The following MROH1 variants were observed in gnomAD, a reference collection of about 807,000 sequenced individuals.
The protein encoded by MROH1 is maestro heat like repeat family member 1, also known as maestro heat-like repeat-containing protein family member 1.
Under a neutral mutation model 116.5 loss-of-function variants are expected in MROH1, and 117 were observed. The ratio of observed to expected loss-of-function variants is 1.00; its 90% CI spans 0.86 to 1.17. The LOEUF is 1.17. Ranked by LOEUF, MROH1 falls within the 50% of genes most tolerant of loss-of-function variation. The probability of loss-of-function intolerance (pLI) is 0.00; values close to 1 mark genes in which losing one functional copy is unlikely to be tolerated. For synonymous variants in MROH1, 921 were observed against 583.9 expected (o/e 1.58, Z -8.32); for missense variants, 1,873 against 1,338.5 (o/e 1.40, Z -6.23).
chr8:144,192,712 G>C (rs565615892), intron 10 of MROH1: 3 of 523,430 alleles, frequency 5.7e-6, no homozygotes, highest in African/African-American at 1.9e-5. Context: ...AGTGCCAGCT[G>C]GGGGAGACTG....
chr8:144,233,949 C>T (rs550899355), intron 14 of MROH1, among the ~76,000 whole-genome samples: 12 of 152,142 alleles, frequency 7.9e-5, no homozygotes, highest in Admixed American at 2.6e-4. Flanking sequence ...AGAAGTCATC[C>T]GGAATTTTTA....
At chr8:144,175,100 C>T (rs1823478659) in intron 4 of MROH1, 2 of 985,340 alleles carry the variant, frequency 2.0e-6, no homozygotes, top group Non-Finnish European at 2.4e-6. Flanking sequence ...TTTCCAAGAT[C>T]AAGAACCAGA....
At chr8:144,168,571 C>T in intron 4 of MROH1, 131 bp downstream of exon 4, 1 of 1,059,656 alleles carries the variant, frequency 9.4e-7, no homozygotes, top group Non-Finnish European at 1.3e-6. Flanking sequence ...CATGTCTAAC[C>T]CCCTCCACAC....
At chr8:144,249,218 C>T (rs1842427985) in intron 32 of MROH1, among the ~76,000 whole-genome samples, 189 bp downstream of exon 32, 1 of 152,172 alleles carries the variant, frequency 6.6e-6, no homozygotes, top group African/African-American at 2.4e-5. Context: ...CACTGCTCTG[C>T]CCCCTCTCCC....
chr8:144,247,459 G>A (rs1467937138), intron 30 of MROH1, 23 bp downstream of exon 30: 6 of 768,026 alleles, frequency 7.8e-6, no homozygotes, highest in African/African-American at 1.7e-5. Flanking sequence ...CAGGAGTGTG[G>A]GGGCCAGTGG....
chr8:144,172,713 TA>T (rs1198715117), intron 4 of MROH1, among the ~76,000 whole-genome samples: 1 of 152,156 alleles, frequency 6.6e-6, no homozygotes, highest in Non-Finnish European at 1.5e-5. Flanking sequence ...CCGGCCAGTC[TA>T]ACTCTTTTAA....
chr8:144,193,414 A>G (rs922872827), intron 10 of MROH1: 1 of 152,194 alleles, frequency 6.6e-6, no homozygotes, highest in South Asian at 2.1e-4. Flanking sequence ...CCTGTCCAGT[A>G]CAAGTACATT....
Position 144,182,757 on chromosome 8 carries a change from A to T in MROH1, c.562+2234A>T, listed in dbSNP as rs1825999664. 6.6e-6 allele frequency among the ~76,000 whole-genome samples: 1 copy of T among 152,074 alleles called. No homozygotes were observed. Among genetic ancestry groups the T allele is most frequent in the African/African-American group, 2.4e-5 (1 of 41,414 alleles). ...GGCACCCTAGAAAGAATGGACAGAG[A>T]TGGGAGGTCAAGAGATGACGCAAAG... On this transcript the variant is annotated intron_variant, in intron 7 of 43. Transcript: ENST00000326134. This position sits in a 1 kb window ranked among gnomAD's most constrained non-coding sequence, Gnocchi z 4.1.
intron 10 of MROH1, among the ~76,000 whole-genome samples, chr8:144,193,748 C>T (rs1355556379): frequency 6.6e-6 from 1 of 151,872 alleles, no homozygotes; most frequent in Non-Finnish European, 1.5e-5. Context: ...GCTGGGATTA[C>T]AGGTGCCCAC....
At chr8:144,152,671 C>G (rs887218483) in intron 1 of MROH1, among the ~76,000 whole-genome samples, 1 of 151,682 alleles carries the variant, frequency 6.6e-6, no homozygotes, top group Admixed American at 6.6e-5. Flanking sequence ...CTCAGCCTCC[C>G]GAGTAGCTGG....
intron 1 of MROH1, among the ~76,000 whole-genome samples, chr8:144,160,190 C>G (rs1040613733): frequency 8.5e-5 from 13 of 152,170 alleles, no homozygotes; most frequent in African/African-American, 2.7e-4. Flanking sequence ...TACTAGGGAA[C>G]AGTTTGATCT....
intron 3 of MROH1, among the ~76,000 whole-genome samples, chr8:144,167,220 T>C (rs1821064650): frequency 1.6e-5 from 2 of 121,250 alleles, no homozygotes; most frequent in African/African-American, 6.6e-5. Context: ...TGGGGTGGAG[T>C]GGCCGGTTGT....
chr8:144,238,135 A>G (rs1040427476), intron 14 of MROH1, among the ~76,000 whole-genome samples: 3 of 151,624 alleles, frequency 2.0e-5, no homozygotes, highest in Non-Finnish European at 4.4e-5. Context: ...TGCCTACTGT[A>G]AAAATTGAAG....
intron 18 of MROH1, 65 bp downstream of exon 18, chr8:144,239,820 T>A: frequency 1.4e-6 from 1 of 707,896 alleles, no homozygotes; most frequent in Non-Finnish European, 2.6e-6. Context: ...AGTAGGAGGG[T>A]GCTAGCTCTG....
In MROH1 at chr8:144,247,614, C is replaced by T; in HGVS notation, c.3055C>T (p.Leu1019Phe). The T allele has an allele frequency of 2.6e-6, 2 of 771,146 alleles. No individual in the cohort carries two copies. Among genetic ancestry groups the T allele is most frequent in the Non-Finnish European group, 2.4e-6 (1 of 416,938 alleles). The allele number at this position is 771,146 out of a possible 1,614,324, so 47.8% of individuals were successfully genotyped here. A position where few individuals can be genotyped will look rare whatever the true frequency, so the allele number is the denominator to read the frequency against. Residue 1019 changes from leucine (L) to phenylalanine (F), a missense_variant, in exon 31 of 44, where the codon CTC (leucine) becomes TTC (phenylalanine). Leu to Phe is a conservative substitution (Grantham distance 22). Transcript: ENST00000326134. ...TGACGTGGCGGAGCGGCTCCTCAGC[C>T]TCAAGGACGGCCTCGTGCACCCTGA... ...RDDVAERLLS[L>F]KDGLVHPDPA...
chr8:144,232,686 G>A (rs1839154444), intron 14 of MROH1, among the ~76,000 whole-genome samples: 1 of 151,588 alleles, frequency 6.6e-6, no homozygotes, highest in Non-Finnish European at 1.5e-5. Flanking sequence ...GTAGAGATGG[G>A]TTTTCACCGT....
intron 33 of MROH1, chr8:144,252,690 G>T (rs1311218712): frequency 6.7e-6 from 1 of 148,944 alleles, no homozygotes; most frequent in Non-Finnish European, 1.5e-5. Flanking sequence ...AAATTGGCCA[G>T]GCACGGTGGC....
intron 12 of MROH1, among the ~76,000 whole-genome samples, chr8:144,220,310 C>T (rs1836436272): frequency 6.6e-6 from 1 of 152,202 alleles, no homozygotes; most frequent in Admixed American, 6.5e-5. Context: ...GCTTGAGTAC[C>T]ACTGAAGGAA....
At chr8:144,246,960 T>C (rs1041151857) in intron 29 of MROH1, among the ~76,000 whole-genome samples, 2 of 152,190 alleles carry the variant, frequency 1.3e-5, no homozygotes, top group African/African-American at 2.4e-5. Flanking sequence ...CTCCTCCCAT[T>C]TGGGGCCCCC....
Sources: gnomAD v4.1 joint callset for allele counts (sites outside exome capture counted in the v4.1 genomes callset) on GRCh38, gnomAD v4.1.1 for gene constraint, Gnocchi (gnomAD v3.1) non-coding constraint, MANE v1.5 for transcripts, NCBI Gene and HGNC (gene_info 2026-07-23, HGNC 2026-07-21) for gene names.